ERC2: variants seen among roughly 807,000 people sequenced by gnomAD.
The protein encoded by ERC2 is ELKS/RAB6-interacting/CAST family member 2, also known as ERC protein 2.
Under a neutral mutation model 114.8 loss-of-function variants are expected in ERC2, and 42 were observed. That is an observed-to-expected ratio of 0.37 (90% CI 0.29 to 0.47). ERC2 has a LOEUF of 0.47. Among genes scored for constraint, ERC2 ranks in the 20% least tolerant of loss-of-function variants. ERC2 has a pLI of 0.99. For synonymous variants in ERC2, 454 were observed against 425.5 expected (o/e 1.07, Z -0.82); for missense variants, 939 against 1,150.7 (o/e 0.82, Z 2.66).
chr3:55,913,432 T>C (rs577728405), intron 13 of ERC2, among the ~76,000 whole-genome samples: 1 of 152,290 alleles, frequency 6.6e-6, no homozygotes, highest in South Asian at 2.1e-4. Context: ...ACTTGCTGGT[T>C]CGAAGGACAT....
intron 4 of ERC2, among the ~76,000 whole-genome samples, chr3:56,165,478 TG>T (rs986500886): frequency 5.6e-5 from 5 of 88,546 alleles, no homozygotes; most frequent in African/African-American, 2.1e-4. Flanking sequence ...CCCTCCCCCC[TG>T]CATATGGCAA....
At chr3:56,388,059 A>G (rs2059997198) in intron 2 of ERC2, among the ~76,000 whole-genome samples, 1 of 152,152 alleles carries the variant, frequency 6.6e-6, no homozygotes, top group Non-Finnish European at 1.5e-5. Flanking sequence ...ATATTTACAT[A>G]TACAAATCCT....
At chr3:56,390,706 G>GTT (rs2060098285) in intron 2 of ERC2, among the ~76,000 whole-genome samples, 1 of 152,146 alleles carries the variant, frequency 6.6e-6, no homozygotes. Flanking sequence ...CTTTGGTTTT[G>GTT]TTTTTAAGAG....
rs1229435947 is a variant in ERC2, at chr3:56,384,268, G to A, written c.657+50083C>T. ...AGTAATTCCATTTCTAATTTCTTGA[G>A]GAACTGCCATACTGTTTTCTGTAGC... On this transcript the variant is annotated intron_variant, in intron 2 of 17. Coordinates refer to ENST00000288221, the MANE Select transcript of ERC2 (RefSeq NM_015576.3). Among the ~76,000 whole-genome samples, 4 of 152,220 alleles carry A rather than the reference G, an allele frequency of 2.6e-5. No individual in the cohort carries two copies. In the East Asian group the frequency reaches 7.7e-4, roughly 29 times the overall value.
intron 16 of ERC2, among the ~76,000 whole-genome samples, chr3:55,685,656 A>C (rs2062291398): frequency 6.6e-6 from 1 of 152,104 alleles, no homozygotes; most frequent in Non-Finnish European, 1.5e-5. Flanking sequence ...GTATGTGTGC[A>C]AATATATGTC....
intron 2 of ERC2, among the ~76,000 whole-genome samples, chr3:56,395,146 A>C (rs1212750702): frequency 6.6e-6 from 1 of 152,118 alleles, no homozygotes; most frequent in Non-Finnish European, 1.5e-5. Flanking sequence ...AGAAATAGAG[A>C]ATGACTGCTA....
intron 14 of ERC2, among the ~76,000 whole-genome samples, chr3:55,742,390 A>G (rs1448697192): frequency 6.6e-6 from 1 of 152,230 alleles, no homozygotes. Context: ...CAGGCCAATT[A>G]GGAACTATTA....
chr3:56,189,751 G>C (rs1448601962), intron 3 of ERC2, among the ~76,000 whole-genome samples: 2 of 152,142 alleles, frequency 1.3e-5, no homozygotes, highest in Non-Finnish European at 2.9e-5. Flanking sequence ...TCCATGCATG[G>C]AATTGGAGCT....
chr3:55,527,458 C>T (rs958302783), intron 17 of ERC2, among the ~76,000 whole-genome samples: 5 of 152,124 alleles, frequency 3.3e-5, no homozygotes, highest in Admixed American at 2.0e-4. Flanking sequence ...GAGAAGAGAA[C>T]GTAGCGAAAT....
intron 17 of ERC2, among the ~76,000 whole-genome samples, chr3:55,680,428 CT>C (rs1240912391): frequency 6.6e-6 from 1 of 152,212 alleles, no homozygotes; most frequent in Non-Finnish European, 1.5e-5. Context: ...ACCCGAATGC[CT>C]CTTGGGGGAT....
At chr3:55,863,035 A>T (rs1213149647) in intron 14 of ERC2, among the ~76,000 whole-genome samples, 2 of 152,058 alleles carry the variant, frequency 1.3e-5, no homozygotes, top group Admixed American at 6.6e-5. Flanking sequence ...TTCCCATTAG[A>T]GCCTCCTTAA....
At chr3:56,116,643 ACT>A (rs2079253676) in intron 6 of ERC2, among the ~76,000 whole-genome samples, 1 of 151,540 alleles carries the variant, frequency 6.6e-6, no homozygotes, top group Non-Finnish European at 1.5e-5. Context: ...CACACACTTC[ACT>A]CTCTCTATCT....
At chr3:55,983,849 T>C (rs567671000) in intron 12 of ERC2, among the ~76,000 whole-genome samples, 1 of 152,282 alleles carries the variant, frequency 6.6e-6, no homozygotes, top group Admixed American at 6.5e-5. Flanking sequence ...AGAAAGTACA[T>C]AGTCAGAGAT....
intron 16 of ERC2, among the ~76,000 whole-genome samples, chr3:55,694,530 A>C (rs1334442888): frequency 2.0e-5 from 3 of 152,286 alleles, no homozygotes; most frequent in Admixed American, 2.0e-4. Context: ...TGAAATTTAA[A>C]ATTTAAATAC....
intron 7 of ERC2, among the ~76,000 whole-genome samples, chr3:56,061,788 A>T (rs551945031): frequency 1.6e-4 from 24 of 152,328 alleles, no homozygotes; most frequent in African/African-American, 5.5e-4. Context: ...AAGTTACTGT[A>T]AACAGAAGAA....
chr3:55,663,404 GC>G (rs1443275740), intron 17 of ERC2, among the ~76,000 whole-genome samples: 1 of 152,222 alleles, frequency 6.6e-6, no homozygotes, highest in Non-Finnish European at 1.5e-5. Flanking sequence ...TGATGGCTAA[GC>G]TCCCTTTCAG....
chr3:55,974,279 T>A (rs1003588068), intron 12 of ERC2, among the ~76,000 whole-genome samples: 7 of 152,208 alleles, frequency 4.6e-5, no homozygotes, highest in Admixed American at 4.6e-4. Flanking sequence ...GGACAGGGGC[T>A]AATACGTGGT....
intron 7 of ERC2, among the ~76,000 whole-genome samples, chr3:56,019,621 T>C (rs2073558929): frequency 6.6e-6 from 1 of 152,184 alleles, no homozygotes; most frequent in African/African-American, 2.4e-5. Flanking sequence ...ATAAGTCAAA[T>C]GTAACAAGTA....
At chr3:55,639,105 A>G (rs970460512) in intron 17 of ERC2, among the ~76,000 whole-genome samples, 3 of 152,236 alleles carry the variant, frequency 2.0e-5, no homozygotes, top group Admixed American at 2.0e-4. Flanking sequence ...ATATGTGCAT[A>G]GAGGTGGAGG....
Sources: gnomAD v4.1 joint callset for allele counts (sites outside exome capture counted in the v4.1 genomes callset) on GRCh38, gnomAD v4.1.1 for gene constraint, MANE v1.5 for transcripts, NCBI Gene and HGNC (gene_info 2026-07-23, HGNC 2026-07-21) for gene names.